Variants in FLNB observed in about 807,000 individuals in gnomAD.
The protein encoded by FLNB is filamin-B.
A neutral mutation model predicts 250.6 loss-of-function variants in FLNB; 111 were observed. The ratio of observed to expected loss-of-function variants is 0.44; its 90% CI spans 0.38 to 0.52. FLNB has a LOEUF of 0.52. Ranked by LOEUF, FLNB falls within the 20% of genes least tolerant of loss-of-function variation. The pLI, the probability that FLNB is intolerant of heterozygous loss-of-function variation, is 0.00. For missense variants in FLNB, 2,869 were observed against 3,447.8 expected (o/e 0.83, Z 4.20); for synonymous variants, 1,302 against 1,372.1 (o/e 0.95, Z 1.13).
chr3:58,149,679 C>T (rs563732786), intron 36 of FLNB, 171 bp from the exon 37 acceptor site: 53 of 734,634 alleles, frequency 7.2e-5, no homozygotes, highest in Admixed American at 3.2e-4. Flanking sequence ...CTTCTCAGGA[C>T]GCTTAACCTA....
intron 43 of FLNB, among the ~76,000 whole-genome samples, chr3:58,167,419 T>C (rs1440073874): frequency 6.6e-6 from 1 of 152,248 alleles, no homozygotes; most frequent in Non-Finnish European, 1.5e-5. Flanking sequence ...TCCAGAACAA[T>C]AATTCTTTCT....
chr3:58,112,645 A>G (rs2097270827), intron 18 of FLNB, among the ~76,000 whole-genome samples: 1 of 152,238 alleles, frequency 6.6e-6, no homozygotes, highest in East Asian at 1.9e-4. Context: ...ATGTGCACAC[A>G]TGTGCACACA....
intron 24 of FLNB, 40 bp downstream of exon 24, chr3:58,126,802 T>A: frequency 6.3e-7 from 1 of 1,594,714 alleles, no homozygotes; most frequent in Non-Finnish European, 8.6e-7. Context: ...GAATAATTGA[T>A]TTTGCAGGAA....
intron 1 of FLNB, among the ~76,000 whole-genome samples, chr3:58,075,521 C>T (rs944987652): frequency 4.6e-5 from 7 of 151,910 alleles, no homozygotes; most frequent in South Asian, 2.1e-4. Flanking sequence ...GAGTGGAAAG[C>T]GGATTGGATG....
Position 58,162,022 on chromosome 3 carries a change from C to G in FLNB, c.7022-1132C>G, listed in dbSNP as rs148819278. Among the ~76,000 whole-genome samples, 19 of 152,272 alleles carry G rather than the reference C, an allele frequency of 1.2e-4. No individual in the cohort carries two copies. In the East Asian group the frequency reaches 3.7e-3, roughly 29 times the overall value. On this transcript the variant is annotated intron_variant, in intron 42 of 45. Coordinates refer to ENST00000295956, the MANE Select transcript of FLNB (RefSeq NM_001457.4). ...AAGGCTTAGTGAAGAAGGATTTTTC[C>G]CTGATCCACTCAGGGACCACACCTG...
At chr3:58,067,300 A>G (rs574278034) in intron 1 of FLNB, among the ~76,000 whole-genome samples, 1 of 152,210 alleles carries the variant, frequency 6.6e-6, no homozygotes, top group East Asian at 1.9e-4. Context: ...AAAAACTACT[A>G]ACATGAAAAG....
In FLNB at chr3:58,102,307, A is replaced by C. The variant is rs1576720627; in HGVS notation, c.1450A>C (p.Ser484Arg). 6.2e-6 allele frequency: 10 copies of C among 1,614,184 alleles called. No homozygotes were observed. The South Asian group carries it at 7.7e-5, about 12-fold the overall frequency. ...CAAGGTTGACACCAAAGCTGCAGGA[A>C]GTGGGGAGCTCGGTGTAACCATGAA... ...DFKVDTKAAG[S>R]GELGVTMKGP... Residue 484 changes from serine (S) to arginine (R), a missense_variant, in exon 9 of 46, where the codon AGT (serine) becomes CGT (arginine). Physicochemically the swap from Ser to Arg is moderately radical, Grantham distance 110. Coordinates refer to ENST00000295956, the MANE Select transcript of FLNB (RefSeq NM_001457.4).
In FLNB at chr3:58,117,364, G is replaced by C. The variant is rs74321466; in HGVS notation, c.2746-1508G>C. ...GTTTTGTTTTTGACTGGTAACAAGAGCATACTTTCTTTTATGGGATGGGTG... is the reference window on the plus strand; with the variant it reads ...GTTTTGTTTTTGACTGGTAACAAGACCATACTTTCTTTTATGGGATGGGTG... On this transcript the variant is annotated intron_variant, in intron 18 of 45. Transcript: ENST00000295956. Among the ~76,000 whole-genome samples, 1,346 of 152,302 alleles carry C rather than the reference G, an allele frequency of 8.8e-3. 20 individuals are homozygous for C. The highest frequency in any genetic ancestry group is 0.06 in the East Asian group (310 of 5,182).
intron 1 of FLNB, among the ~76,000 whole-genome samples, chr3:58,056,105 ATT>A (rs781244971): frequency 1.6e-5 from 2 of 128,724 alleles, no homozygotes; most frequent in African/African-American, 3.9e-5. Context: ...TTATTTATTT[ATT>A]TTTTTTTTTT....
At chr3:58,108,411 G>T (rs769274615) in intron 12 of FLNB, 47 bp from the exon 13 acceptor site, 33 of 1,232,648 alleles carry the variant, frequency 2.7e-5, no homozygotes, top group Non-Finnish European at 3.8e-5. Context: ...TAAGGGTTTA[G>T]TTGGGGCATT....
rs770671756 is a variant in FLNB, at chr3:58,008,645, C to T, written c.81C>T (p.Asn27=). The T allele has an allele frequency of 5.6e-6, 9 of 1,613,954 alleles. No individual in the cohort carries two copies. The East Asian group carries it at 8.9e-5, about 16-fold the overall frequency. The change falls in exon 1 of 46, where the codon AAC becomes AAT. Residue 27 remains asparagine (N), a synonymous_variant. Transcript: ENST00000295956. ...AGAACACGTTCACACGCTGGTGCAACGAGCACCTCAAGTGCGTGAACAAAC... is the reference window on the plus strand; with the variant it reads ...AGAACACGTTCACACGCTGGTGCAATGAGCACCTCAAGTGCGTGAACAAAC... ...IQQNTFTRWC[N]EHLKCVNKRI...
chr3:58,108,678 C>A, intron 13 of FLNB, 107 bp downstream of exon 13: 1 of 732,646 alleles, frequency 1.4e-6, no homozygotes, highest in Non-Finnish European at 2.5e-6. Context: ...TCATCTGCAC[C>A]GTGGAAATGA....
intron 1 of FLNB, among the ~76,000 whole-genome samples, chr3:58,061,766 A>G (rs2097178907): frequency 6.7e-6 from 1 of 148,238 alleles, no homozygotes; most frequent in Non-Finnish European, 1.5e-5. Flanking sequence ...AAAAAAAAAA[A>G]GTAACATATG....
chr3:58,088,083 A>G (rs539180808), intron 4 of FLNB, among the ~76,000 whole-genome samples: 30 of 113,070 alleles, frequency 2.7e-4, no homozygotes, highest in African/African-American at 9.8e-4. Context: ...CTTCTGTTTC[A>G]CAGGTTGGAG....
In FLNB at chr3:58,130,817, A is replaced by G. The variant is rs776557828; in HGVS notation, c.4299A>G (p.Ser1433=). Residue 1433 remains serine (S), a synonymous_variant, in exon 25 of 46, where the codon TCA becomes TCG. Transcript: ENST00000295956. ...AGATTGCCGGCCCCGGGCTGGGCTC[A>G]GGCGTCCGAGCCCGTGTCCTGCAGT... is the stretch of plus-strand genomic sequence containing the variant. ...KVKIAGPGLG[S]GVRARVLQSF... is the part of the protein sequence containing the mutation. 14 of 1,613,676 alleles carry G rather than the reference A, an allele frequency of 8.7e-6. No homozygotes were observed. The highest frequency in any genetic ancestry group is 1.7e-4 in the Middle Eastern group (1 of 6,026).
chr3:58,158,522 C>T (rs1292862627), intron 41 of FLNB, among the ~76,000 whole-genome samples: 1 of 152,140 alleles, frequency 6.6e-6, no homozygotes, highest in Non-Finnish European at 1.5e-5. Flanking sequence ...TAATAAGATC[C>T]CCAGATGGTT....
chr3:58,129,601 G>A (rs1381969821), intron 24 of FLNB, among the ~76,000 whole-genome samples: 1 of 152,132 alleles, frequency 6.6e-6, no homozygotes, highest in Non-Finnish European at 1.5e-5. Context: ...TAAAGACCTG[G>A]ATGCCGTTGA....
intron 3 of FLNB, among the ~76,000 whole-genome samples, chr3:58,079,483 C>T (rs1003210274): frequency 6.6e-6 from 1 of 152,118 alleles, no homozygotes; most frequent in Non-Finnish European, 1.5e-5. Flanking sequence ...GAACTCCTGA[C>T]CTCGTGATCT....
At chr3:58,061,193 T>A (rs1022305350) in intron 1 of FLNB, among the ~76,000 whole-genome samples, 16 of 152,218 alleles carry the variant, frequency 1.1e-4, no homozygotes, top group Non-Finnish European at 2.4e-4. Flanking sequence ...TGGGAACAGT[T>A]TTTTGTCTTG....
Sources: gnomAD v4.1 joint callset for allele counts (sites outside exome capture counted in the v4.1 genomes callset) on GRCh38, gnomAD v4.1.1 for gene constraint, MANE v1.5 for transcripts, NCBI Gene and HGNC (gene_info 2026-07-23, HGNC 2026-07-21) for gene names.